Variants in FARS2 observed in about 807,000 individuals in gnomAD.
The protein encoded by FARS2 is phenylalanine--tRNA ligase, mitochondrial.
Under a neutral mutation model 46.4 loss-of-function variants are expected in FARS2, and 40 were observed. That is an observed-to-expected ratio of 0.86 (90% CI 0.67 to 1.12). The LOEUF is 1.12. Ranked by LOEUF, FARS2 falls within the 50% of genes most tolerant of loss-of-function variation. The probability of loss-of-function intolerance (pLI) is 0.00; values close to 1 mark genes in which losing one functional copy is unlikely to be tolerated. For synonymous variants in FARS2, 234 were observed against 214.9 expected (o/e 1.09, Z -0.78); for missense variants, 513 against 567.9 (o/e 0.90, Z 0.98).
chr6:5,658,974 A>G (rs190779243), intron 6 of FARS2, among the ~76,000 whole-genome samples: 31 of 152,302 alleles, frequency 2.0e-4, no homozygotes, highest in South Asian at 1.5e-3. Flanking sequence ...GCGTTTTACA[A>G]TTGTTCCTGA....
chr6:5,507,123 G>A (rs1768147726), intron 4 of FARS2, among the ~76,000 whole-genome samples: 1 of 152,176 alleles, frequency 6.6e-6, no homozygotes, highest in African/African-American at 2.4e-5. Context: ...TGAATACAGT[G>A]CTTGCAGCCT....
chr6:5,439,495 A>G (rs1206440553), intron 4 of FARS2, among the ~76,000 whole-genome samples: 3 of 152,222 alleles, frequency 2.0e-5, no homozygotes, highest in African/African-American at 4.8e-5. Context: ...TTGCCTTTCC[A>G]AGTGTTGACT....
chr6:5,530,373 G>A (rs1189191258), intron 4 of FARS2, among the ~76,000 whole-genome samples: 3 of 152,092 alleles, frequency 2.0e-5, no homozygotes, highest in African/African-American at 7.2e-5. Context: ...AAAGAGACAT[G>A]ATATGTAAGT....
chr6:5,429,932 CTT>C (rs770728298), intron 3 of FARS2, among the ~76,000 whole-genome samples: 1 of 144,700 alleles, frequency 6.9e-6, no homozygotes, highest in African/African-American at 2.5e-5. Context: ...AGACAATTGC[CTT>C]TTTTTTTTTT....
intron 4 of FARS2, among the ~76,000 whole-genome samples, chr6:5,464,193 A>T (rs1765392286): frequency 1.3e-5 from 2 of 152,256 alleles, no homozygotes; most frequent in Non-Finnish European, 2.9e-5. Flanking sequence ...AGGGGCCAGC[A>T]TTACATTTTG....
At chr6:5,283,693 A>G (rs1406325551) in intron 1 of FARS2, among the ~76,000 whole-genome samples, 1 of 152,108 alleles carries the variant, frequency 6.6e-6, no homozygotes, top group Non-Finnish European at 1.5e-5. Flanking sequence ...TTTATATCGC[A>G]TTTCTAAAAG....
At chr6:5,338,010 A>G (rs1275223682) in intron 1 of FARS2, among the ~76,000 whole-genome samples, 1 of 152,162 alleles carries the variant, frequency 6.6e-6, no homozygotes, top group Non-Finnish European at 1.5e-5. Context: ...AGATTTGAAA[A>G]CTTAAAGCAG....
At chr6:5,517,136 C>T (rs1460635663) in intron 4 of FARS2, among the ~76,000 whole-genome samples, 1 of 151,948 alleles carries the variant, frequency 6.6e-6, no homozygotes, top group Non-Finnish European at 1.5e-5. Context: ...AGCTGAATTT[C>T]AAAGAATGAT....
chr6:5,353,726 G>GTTTTTTTTT (rs55998904), intron 1 of FARS2, among the ~76,000 whole-genome samples: 963 of 40,026 alleles, frequency 0.024, 6 homozygotes, highest in East Asian at 0.04. Context: ...AATATTTGGT[G>GTTTTTTTTT]TTTTTTTTTT....
chr6:5,610,776 A>C (rs1004682606), intron 5 of FARS2, among the ~76,000 whole-genome samples: 2 of 152,222 alleles, frequency 1.3e-5, no homozygotes, highest in East Asian at 3.8e-4. Flanking sequence ...CCACAATTCT[A>C]TGGTTGTGGG....
chr6:5,262,530 C>T (rs1462360688), intron 1 of FARS2, among the ~76,000 whole-genome samples: 2 of 152,298 alleles, frequency 1.3e-5, no homozygotes, highest in Middle Eastern at 3.4e-3. Flanking sequence ...CCGCCCGCCT[C>T]GGCCTCCCAA....
At chr6:5,579,067 T>C (rs1773175168) in intron 5 of FARS2, among the ~76,000 whole-genome samples, 1 of 152,208 alleles carries the variant, frequency 6.6e-6, no homozygotes, top group Non-Finnish European at 1.5e-5. Context: ...CTAACTATTA[T>C]AGCTATAAAC....
At chr6:5,439,743 T>G (rs1231472300) in intron 4 of FARS2, among the ~76,000 whole-genome samples, 1 of 152,214 alleles carries the variant, frequency 6.6e-6, no homozygotes, top group African/African-American at 2.4e-5. Context: ...GTCAACTTTA[T>G]TAATCAGAAT....
intron 5 of FARS2, among the ~76,000 whole-genome samples, chr6:5,587,774 G>A (rs1363078288): frequency 6.6e-6 from 1 of 152,084 alleles, no homozygotes; most frequent in Non-Finnish European, 1.5e-5. Context: ...CATGAGCTCC[G>A]GGGGTGGACT....
chr6:5,490,229 G>T (rs563843432), intron 4 of FARS2, among the ~76,000 whole-genome samples: 143 of 152,188 alleles, frequency 9.4e-4, no homozygotes, highest in African/African-American at 3.3e-3. Context: ...TTAATATTTT[G>T]TTCTTTGTAA....
intron 3 of FARS2, among the ~76,000 whole-genome samples, chr6:5,412,747 T>C (rs1762006192): frequency 6.6e-6 from 1 of 152,234 alleles, no homozygotes; most frequent in African/African-American, 2.4e-5. Flanking sequence ...ATCACTTTAT[T>C]AATTTTTAAA....
intron 1 of FARS2, among the ~76,000 whole-genome samples, chr6:5,315,768 G>A (rs537102332): frequency 2.5e-3 from 71 of 28,230 alleles, no homozygotes; most frequent in African/African-American, 8.0e-3. Flanking sequence ...CTTTTTTTTG[G>A]GGAGAAGAAG....
At chr6:5,603,661 G>A (rs536518418) in intron 5 of FARS2, among the ~76,000 whole-genome samples, 46 of 152,258 alleles carry the variant, frequency 3.0e-4, no homozygotes, top group African/African-American at 1.1e-3. Flanking sequence ...ATCTGCAGGT[G>A]GTGTGCTCCC....
intron 1 of FARS2, among the ~76,000 whole-genome samples, chr6:5,279,564 G>A (rs577040970): frequency 3.2e-4 from 48 of 147,932 alleles, no homozygotes; most frequent in Admixed American, 6.7e-4. Flanking sequence ...AAATGTGTGT[G>A]TGTGTGTGTG....
Sources: gnomAD v4.1 joint callset for allele counts (sites outside exome capture counted in the v4.1 genomes callset) on GRCh38, gnomAD v4.1.1 for gene constraint, MANE v1.5 for transcripts, NCBI Gene and HGNC (gene_info 2026-07-23, HGNC 2026-07-21) for gene names.